Variants in NGLY1 observed in about 807,000 individuals in gnomAD.
NGLY1 encodes peptide-N(4)-(N-acetyl-beta-glucosaminyl)asparagine amidase.
A neutral mutation model predicts 84.6 loss-of-function variants in NGLY1; 68 were observed. That is an observed-to-expected ratio of 0.80 (90% CI 0.66 to 0.98). The LOEUF is 0.98. Ranked by LOEUF, NGLY1 falls within the 50% of genes least tolerant of loss-of-function variation. NGLY1 has a pLI of 0.00. For missense variants in NGLY1, 779 were observed against 770.2 expected, an observed-to-expected ratio of 1.01 and a Z score of -0.14; for synonymous variants, 280 against 275.2, an observed-to-expected ratio of 1.02 and a Z score of -0.17.
chr3:25,731,663 T>A (rs1302609192), intron 9 of NGLY1, among the ~76,000 whole-genome samples: 1 of 152,074 alleles, frequency 6.6e-6, no homozygotes, highest in Non-Finnish European at 1.5e-5. Flanking sequence ...AGCAGCACCA[T>A]TTATATCAGC....
At position 25,720,727 on chromosome 3, in the gene NGLY1, G is replaced by A. The variant is rs185426468; in HGVS notation, c.1612-536C>T. On this transcript the variant is annotated intron_variant, in intron 10 of 11. Coordinates refer to ENST00000280700, the MANE Select transcript of NGLY1 (RefSeq NM_018297.4). Reference sequence around the variant, plus strand: ...GCATGCTCCCTGTTCCTTCATCAACGCCCTTTAGCACATTAAATGTATACT... The same window carrying A: ...GCATGCTCCCTGTTCCTTCATCAACACCCTTTAGCACATTAAATGTATACT... 1.4e-4 allele frequency among the ~76,000 whole-genome samples: 22 copies of A among 152,128 alleles called. No homozygotes were observed. In the East Asian group the frequency reaches 1.7e-3, roughly 12 times the overall value.
intron 8 of NGLY1, 130 bp downstream of exon 8, chr3:25,733,742 A>C: frequency 4.3e-6 from 2 of 465,386 alleles, no homozygotes; most frequent in Non-Finnish European, 7.1e-6. Flanking sequence ...ATATTCAAAA[A>C]GAATATTAAA....
At chr3:25,746,269 A>G (rs1706423342) in intron 4 of NGLY1, among the ~76,000 whole-genome samples, 2 of 152,196 alleles carry the variant, frequency 1.3e-5, no homozygotes, top group Non-Finnish European at 1.5e-5. Context: ...GTATTTTGAC[A>G]TATTTTATAA....
In NGLY1 at chr3:25,764,312, C is replaced by G; in HGVS notation, c.247-1G>C. ...TAGGAAAGATGAGATGTGTTTCTCC[C>G]TGGAATTTATAAAATTAAAAAAAAT... On this transcript the variant is annotated splice_acceptor_variant, in intron 2 of 11. Coordinates refer to ENST00000280700, the MANE Select transcript of NGLY1 (RefSeq NM_018297.4). LOFTEE classifies it high-confidence loss of function. 2 of 1,605,302 alleles carry G rather than the reference C, an allele frequency of 1.2e-6. No individual in the cohort carries two copies. The highest frequency in any genetic ancestry group is 1.7e-6 in the Non-Finnish European group (2 of 1,176,836).
rs1383370693 is a variant in NGLY1, at chr3:25,720,047, G to T, written c.1756C>A (p.Arg586=). The part of the protein sequence containing the change: ...FQTGTVEWKL[R]SDTAQVELTG... Reference sequence around the variant, plus strand: ...AGTTCTACTTGTGCTGTATCAGATCGCAATTTCCATTCTACTGTTCCAGTC... The same window carrying T: ...AGTTCTACTTGTGCTGTATCAGATCTCAATTTCCATTCTACTGTTCCAGTC... The change falls in exon 11 of 12, where the codon CGA becomes AGA. Residue 586 remains arginine, a synonymous_variant. Coordinates refer to ENST00000280700, the MANE Select transcript of NGLY1 (RefSeq NM_018297.4). The T allele has an allele frequency of 6.2e-7, 1 of 1,612,708 alleles. No individual in the cohort carries two copies. The highest frequency in any genetic ancestry group is 8.5e-7 in the Non-Finnish European group (1 of 1,179,268).
chr3:25,721,618 A>G (rs1051795659), intron 10 of NGLY1, among the ~76,000 whole-genome samples: 3 of 151,748 alleles, frequency 2.0e-5, no homozygotes, highest in African/African-American at 7.2e-5. Context: ...GCGTGGTGGC[A>G]GGCGCCTGTA....
At chr3:25,784,970 C>A (rs1032265149), upstream of NGLY1, among the ~76,000 whole-genome samples, 5 of 152,084 alleles carry the variant, frequency 3.3e-5, no homozygotes, top group Admixed American at 1.3e-4. Context: ...GAAACATTTT[C>A]TGTAAAGGGC....
chr3:25,746,828 G>A (rs1706459550), intron 4 of NGLY1, among the ~76,000 whole-genome samples: 1 of 152,058 alleles, frequency 6.6e-6, no homozygotes, highest in South Asian at 2.1e-4. Flanking sequence ...GCAACATAAT[G>A]GTTTTATTTT....
intron 2 of NGLY1, among the ~76,000 whole-genome samples, chr3:25,764,874 C>A (rs543533198): frequency 1.3e-5 from 2 of 152,142 alleles, no homozygotes; most frequent in Non-Finnish European, 2.9e-5. Context: ...ACGAAAAGTA[C>A]ACCCTGATAG....
intron 3 of NGLY1, among the ~76,000 whole-genome samples, chr3:25,757,787 G>C (rs945147913): frequency 2.0e-5 from 3 of 152,160 alleles, no homozygotes; most frequent in Non-Finnish European, 4.4e-5. Flanking sequence ...TTTATATTTT[G>C]TCTGACAAGT....
At chr3:25,788,745 CAT>C (rs933205135) in intron 1 of NGLY1, among the ~76,000 whole-genome samples, 20 of 152,296 alleles carry the variant, frequency 1.3e-4, no homozygotes, top group African/African-American at 3.4e-4. Context: ...TTTATAACCA[CAT>C]GTGTTTGTTT....
intron 3 of NGLY1, chr3:25,755,763 C>A (rs2125526145): frequency 2.5e-6 from 2 of 796,784 alleles, no homozygotes; most frequent in African/African-American, 3.5e-5. Flanking sequence ...TCTAGATCTT[C>A]TCGTTTTACC....
At chr3:25,760,835 G>T (rs1707283481) in intron 3 of NGLY1, among the ~76,000 whole-genome samples, 1 of 84,460 alleles carries the variant, frequency 1.2e-5, no homozygotes, top group Non-Finnish European at 2.4e-5. Context: ...ACTCCAGCCT[G>T]GGCAACAAGA....
chr3:25,727,962 T>C, intron 10 of NGLY1, among the ~76,000 whole-genome samples: 1 of 152,198 alleles, frequency 6.6e-6, no homozygotes, highest in East Asian at 1.9e-4. Context: ...GATAGTCTTC[T>C]AGAAGATGTT....
chr3:25,765,500 C>T (rs916677868), intron 2 of NGLY1, among the ~76,000 whole-genome samples: 1 of 151,542 alleles, frequency 6.6e-6, no homozygotes, highest in Non-Finnish European at 1.5e-5. Flanking sequence ...GTACACAGAC[C>T]TGCAGATCAT....
rs565166283 is a variant in NGLY1, at chr3:25,725,752, A to T, written c.1611+3381T>A. Among the ~76,000 whole-genome samples the T allele has an allele frequency of 4.6e-5, 7 of 152,304 alleles. No individual in the cohort carries two copies. The East Asian group carries it at 1.4e-3, about 29-fold the overall frequency. ...TGATTGTTGTAGAGAGAACAGAAAA[A>T]AAAAAATACTTGTAGAGTGAACAAA... is the stretch of plus-strand genomic sequence containing the variant. On this transcript the variant is annotated intron_variant, in intron 10 of 11. Transcript: ENST00000280700.
chr3:25,776,958 C>T (rs956693487), intron 2 of NGLY1, among the ~76,000 whole-genome samples: 8 of 152,200 alleles, frequency 5.3e-5, no homozygotes, highest in Non-Finnish European at 7.3e-5. Context: ...GGACTTTATA[C>T]AAACCACTAC....
Position 25,733,866 on chromosome 3 carries a change from C to G in NGLY1, c.1260+6G>C, listed in dbSNP as rs1369327147. The G allele has an allele frequency of 1.4e-5, 22 of 1,605,466 alleles. No individual in the cohort carries two copies. Among genetic ancestry groups the G allele is most frequent in the Non-Finnish European group, 1.9e-5 (22 of 1,174,046 alleles). ...TGTTCTTTCAAAAAAGATAGCCACA[C>G]CATACCTGCTTATTAAGCCCATTAA... On this transcript the variant is annotated splice_donor_region_variant and intron_variant, in intron 8 of 11. Coordinates refer to ENST00000280700, the MANE Select transcript of NGLY1 (RefSeq NM_018297.4).
intron 4 of NGLY1, among the ~76,000 whole-genome samples, chr3:25,741,728 C>T (rs1467535703): frequency 6.6e-6 from 1 of 152,042 alleles, no homozygotes; most frequent in Non-Finnish European, 1.5e-5. Flanking sequence ...CGGTGGCTCA[C>T]GCCTATAATC....
Sources: allele counts gnomAD v4.1 joint callset (sites outside exome capture counted in the v4.1 genomes callset), GRCh38; gene constraint gnomAD v4.1.1; transcripts MANE v1.5; gene names NCBI Gene and HGNC (gene_info 2026-07-23, HGNC 2026-07-21).